The following NHEJ1 variants were observed in gnomAD, a reference collection of about 807,000 sequenced individuals.
The protein encoded by NHEJ1 is non-homologous end-joining factor 1.
A neutral mutation model predicts 39.4 loss-of-function variants in NHEJ1; 22 were observed. The ratio of observed to expected loss-of-function variants is 0.56; its 90% CI spans 0.40 to 0.80. The LOEUF (loss-of-function observed/expected upper bound fraction) is 0.80. Among genes scored for constraint, NHEJ1 ranks in the 30% least tolerant of loss-of-function variants. The pLI is 0.00. For synonymous variants in NHEJ1, 154 were observed against 135.6 expected, an observed-to-expected ratio of 1.14 and a Z score of -0.94; for missense variants, 329 against 357.1, an observed-to-expected ratio of 0.92 and a Z score of 0.63.
chr2:219,136,920 A>G (rs1475258341), intron 5 of NHEJ1, among the ~76,000 whole-genome samples: 2 of 152,006 alleles, frequency 1.3e-5, no homozygotes, highest in Non-Finnish European at 1.5e-5. Context: ...TATTTTCTAT[A>G]TTGATTTCCT....
rs1024943702 is a variant in NHEJ1, at chr2:219,157,516, G to C, written c.346C>G (p.Pro116Ala). ...ATGCAGTGGAAATTCCAATAGAAGG[G>C]GAGGCCAGAGAGCTCACTTCGCACC... ...LRVRSELSGL[P>A]FYWNFHCMLA... The change falls in exon 3 of 8, where the codon CCC (proline) becomes GCC (alanine). Residue 116 changes from proline to alanine, a missense_variant. Physicochemically the swap from Pro to Ala is conservative, Grantham distance 27. Transcript: ENST00000356853. 7.4e-6 allele frequency: 12 copies of C among 1,614,006 alleles called. No individual in the cohort carries two copies. Among genetic ancestry groups the C allele is most frequent in the African/African-American group, 1.3e-5 (1 of 74,918 alleles).
At chr2:219,105,810 A>G (rs1406953774) in intron 5 of NHEJ1, among the ~76,000 whole-genome samples, 98 of 152,090 alleles carry the variant, frequency 6.4e-4, no homozygotes, top group Non-Finnish European at 8.8e-5. Context: ...AATCTTCCTT[A>G]TTCATTTTCC....
chr2:219,126,762 G>C (rs1182719045), intron 5 of NHEJ1, among the ~76,000 whole-genome samples: 1 of 152,246 alleles, frequency 6.6e-6, no homozygotes, highest in Non-Finnish European at 1.5e-5. Flanking sequence ...ACTGAACTCA[G>C]AGGGCCAGGG....
At chr2:219,147,536 AG>A in intron 4 of NHEJ1, 120 bp downstream of exon 4, 1 of 1,171,554 alleles carries the variant, frequency 8.5e-7, no homozygotes, top group South Asian at 1.3e-5. Flanking sequence ...GTTTCTGGTT[AG>A]TATTCAGCAC....
chr2:219,125,123 T>TA (rs5838718), intron 5 of NHEJ1, among the ~76,000 whole-genome samples: 100,947 of 145,766 alleles, frequency 0.69, 35,141 homozygotes, highest in Non-Finnish European at 0.76. Context: ...CTTTGGAAAT[T>TA]AAAAAAAAAA....
intron 5 of NHEJ1, among the ~76,000 whole-genome samples, chr2:219,125,049 C>T (rs1214835577): frequency 6.6e-6 from 1 of 151,868 alleles, no homozygotes; most frequent in African/African-American, 2.4e-5. Context: ...AGCCACTTGA[C>T]CATCTTCTCA....
chr2:219,159,588 C>CATATATATGCATATATATATATGCATAT (rs1949906412), intron 1 of NHEJ1, among the ~76,000 whole-genome samples: 1 of 69,528 alleles, frequency 1.4e-5, no homozygotes, highest in African/African-American at 8.8e-5. Flanking sequence ...TATATATATG[C>CATATATATGCATATATATATATGCATAT]ATATATATAT....
intron 5 of NHEJ1, chr2:219,124,768 GAA>G (rs1949500295): frequency 6.6e-6 from 1 of 151,926 alleles, no homozygotes; most frequent in Non-Finnish European, 1.5e-5. Context: ...AAGAGAGAGA[GAA>G]GTGAGGGCTG....
intron 2 of NHEJ1, 53 bp from the exon 3 acceptor site, chr2:219,157,737 C>T: frequency 6.9e-7 from 1 of 1,446,306 alleles, no homozygotes; most frequent in South Asian, 1.2e-5. Context: ...AACTAATTCC[C>T]TCATAAGTAA....
intron 5 of NHEJ1, among the ~76,000 whole-genome samples, chr2:219,122,057 A>G (rs1220937377): frequency 6.6e-6 from 1 of 152,186 alleles, no homozygotes; most frequent in Non-Finnish European, 1.5e-5. Flanking sequence ...CCTAAGGAGT[A>G]GAAGACCACT....
chr2:219,074,885 A>C lies in NHEJ1; in HGVS notation c.*1496T>G, dbSNP rs188921144. Among the ~76,000 whole-genome samples, 632 of 152,308 alleles carry C rather than the reference A, an allele frequency of 4.1e-3. 3 individuals carry two copies. Among genetic ancestry groups the C allele is most frequent in the African/African-American group, 0.013 (530 of 41,564 alleles). The stretch of plus-strand genomic sequence containing the variant: ...CTGGGGGTAAAGAAAAGTTATCAGC[A>C]GTGACTGGGAATGAGCCTTGGTGGA... On this transcript the variant is annotated 3_prime_UTR_variant, in exon 8 of 8. Transcript: ENST00000356853.
intron 5 of NHEJ1, among the ~76,000 whole-genome samples, chr2:219,097,375 T>G (rs1021647852): frequency 5.3e-5 from 8 of 152,158 alleles, no homozygotes; most frequent in African/African-American, 1.9e-4. Flanking sequence ...TGTATTTATT[T>G]TGAAAGAAGG....
intron 1 of NHEJ1, among the ~76,000 whole-genome samples, chr2:219,159,591 A>C: frequency 1.0e-5 from 1 of 96,916 alleles, no homozygotes; most frequent in Non-Finnish European, 2.1e-5. Context: ...ATATATGCAT[A>C]TATATATATG....
chr2:219,078,307 T>C (rs1194678266), intron 5 of NHEJ1, 101 bp from the exon 6 acceptor site: 1 of 1,023,546 alleles, frequency 9.8e-7, no homozygotes, highest in Non-Finnish European at 1.5e-6. Flanking sequence ...AATGAATTAA[T>C]ATAAAGCAGT....
intron 5 of NHEJ1, among the ~76,000 whole-genome samples, chr2:219,092,813 G>A (rs999285921): frequency 3.3e-5 from 5 of 152,190 alleles, no homozygotes; most frequent in African/African-American, 1.2e-4. Flanking sequence ...TGCAGGAGTA[G>A]AAACAAATTG....
rs1949516075 is a variant in NHEJ1 at position 219,126,469 on chromosome 2, T to C, written c.588+20211A>G. On this transcript the variant is annotated intron_variant, in intron 5 of 7. Coordinates refer to ENST00000356853, the MANE Select transcript of NHEJ1 (RefSeq NM_024782.3). ...TCTTTTTATCTGAGTAGGTGATCAA[T>C]ATATTTGTGTTGAACTTTACCCAAG... is the stretch of plus-strand genomic sequence containing the variant. Among the ~76,000 whole-genome samples the C allele has an allele frequency of 5.3e-5, 8 of 152,350 alleles. No individual in the cohort carries two copies. The South Asian group carries it at 1.7e-3, about 32-fold the overall frequency.
intron 5 of NHEJ1, among the ~76,000 whole-genome samples, chr2:219,108,283 A>G (rs893873515): frequency 2.0e-5 from 3 of 152,202 alleles, no homozygotes; most frequent in Non-Finnish European, 4.4e-5. Context: ...CCGTCCTTCC[A>G]CAGCAGCCTC....
intron 3 of NHEJ1, among the ~76,000 whole-genome samples, chr2:219,153,691 A>AGGGG (rs1375174428): frequency 4.9e-5 from 1 of 20,376 alleles, no homozygotes; most frequent in Non-Finnish European, 1.4e-4. Context: ...AAAGAAAGAA[A>AGGGG]AGGGGGGGGG....
At chr2:219,113,091 C>T (rs1473728094) in intron 5 of NHEJ1, among the ~76,000 whole-genome samples, 4 of 152,226 alleles carry the variant, frequency 2.6e-5, no homozygotes, top group Admixed American at 2.6e-4. Context: ...ACGACTAAGT[C>T]AAAGTACTTT....
Sources: allele counts gnomAD v4.1 joint callset (sites outside exome capture counted in the v4.1 genomes callset), GRCh38; gene constraint gnomAD v4.1.1; transcripts MANE v1.5; gene names NCBI Gene and HGNC (gene_info 2026-07-23, HGNC 2026-07-21).